The following NDUFAF2 variants were observed in gnomAD, a reference collection of about 807,000 sequenced individuals.
NDUFAF2 encodes NADH dehydrogenase [ubiquinone] 1 alpha subcomplex assembly factor 2.
A neutral mutation model predicts 22.8 loss-of-function variants in NDUFAF2; 13 were observed. The observed-to-expected ratio is 0.57, with a 90% CI of 0.37 to 0.91. The LOEUF (loss-of-function observed/expected upper bound fraction) is 0.91, where lower values mean the gene tolerates loss of function less well. Ranked by LOEUF, NDUFAF2 falls within the 40% of genes least tolerant of loss-of-function variation. The pLI is 0.01. For missense variants in NDUFAF2, 162 were observed against 195.2 expected, an observed-to-expected ratio of 0.83 and a Z score of 1.01; for synonymous variants, 53 against 64.2, an observed-to-expected ratio of 0.83 and a Z score of 0.84.
chr5:60,952,950 G>GA (rs147073370), intron 1 of NDUFAF2, among the ~76,000 whole-genome samples: 139 of 151,694 alleles, frequency 9.2e-4, no homozygotes, highest in African/African-American at 3.0e-3. Flanking sequence ...AAAAAGACCA[G>GA]AAAAAAAAGA....
At chr5:60,968,043 A>G (rs1750780378) in intron 1 of NDUFAF2, among the ~76,000 whole-genome samples, 1 of 151,558 alleles carries the variant, frequency 6.6e-6, no homozygotes, top group African/African-American at 2.4e-5. Context: ...TTCAGATTTT[A>G]TATTTCTTCA....
intron 3 of NDUFAF2, among the ~76,000 whole-genome samples, chr5:61,125,972 A>T (rs78168586): frequency 1.3e-5 from 2 of 152,036 alleles, no homozygotes; most frequent in African/African-American, 4.8e-5. Context: ...TAGAAATTCA[A>T]TTATACAGAA....
At chr5:60,994,014 G>T (rs977784982) in intron 1 of NDUFAF2, among the ~76,000 whole-genome samples, 1 of 152,222 alleles carries the variant, frequency 6.6e-6, no homozygotes, top group Non-Finnish European at 1.5e-5. Flanking sequence ...CATGCCAAGG[G>T]GCGCCTGCAG....
intron 3 of NDUFAF2, among the ~76,000 whole-genome samples, chr5:61,122,876 A>G (rs295580): frequency 0.044 from 6,618 of 152,132 alleles, 176 homozygotes; most frequent in South Asian, 0.08. Context: ...TACAGAATAT[A>G]TTTTGCTTTC....
At chr5:60,975,584 A>G (rs775190973) in intron 1 of NDUFAF2, among the ~76,000 whole-genome samples, 2 of 152,188 alleles carry the variant, frequency 1.3e-5, no homozygotes, top group Non-Finnish European at 2.9e-5. Context: ...ACTAGATGAG[A>G]TCTCCTACAG....
At chr5:61,086,368 T>C (rs1752505647) in intron 2 of NDUFAF2, among the ~76,000 whole-genome samples, 1 of 152,148 alleles carries the variant, frequency 6.6e-6, no homozygotes, top group Non-Finnish European at 1.5e-5. Context: ...CAAAACTTTT[T>C]TGGAGAAAGA....
In NDUFAF2 at chr5:61,136,039, A is replaced by C. The variant is rs1185098391; in HGVS notation, c.259-16665A>C. On this transcript the variant is annotated intron_variant, in intron 3 of 3. Coordinates refer to ENST00000296597, the MANE Select transcript of NDUFAF2 (RefSeq NM_174889.5). Reference sequence around the variant, plus strand: ...TATATATATATATATATATATATATATATCTAGGGTGGATTGCTTTTTTTC... The same window carrying C: ...TATATATATATATATATATATATATCTATCTAGGGTGGATTGCTTTTTTTC... Among the ~76,000 whole-genome samples the C allele has an allele frequency of 4.8e-4, 50 of 103,398 alleles. 5 individuals carry two copies. Among genetic ancestry groups the C allele is most frequent in the African/African-American group, 1.6e-3 (44 of 26,776 alleles). 67.8% of individuals were successfully genotyped at this position (103,398 alleles called of 152,430 possible).
chr5:60,972,324 C>T (rs1195486068), intron 1 of NDUFAF2, among the ~76,000 whole-genome samples: 1 of 151,506 alleles, frequency 6.6e-6, no homozygotes. Flanking sequence ...GTTGTAATCT[C>T]TAAATCCCCA....
intron 3 of NDUFAF2, among the ~76,000 whole-genome samples, chr5:61,141,321 A>C (rs944479556): frequency 6.6e-6 from 1 of 152,102 alleles, no homozygotes; most frequent in African/African-American, 2.4e-5. Flanking sequence ...ATATGATTGC[A>C]GAATTTATCA....
At chr5:61,003,372 T>G (rs907760453) in intron 1 of NDUFAF2, among the ~76,000 whole-genome samples, 2 of 152,124 alleles carry the variant, frequency 1.3e-5, no homozygotes, top group Non-Finnish European at 2.9e-5. Context: ...TGTTTCTTTT[T>G]TATTACTATC....
intron 1 of NDUFAF2, among the ~76,000 whole-genome samples, chr5:61,051,163 A>G (rs1752019509): frequency 6.6e-6 from 1 of 152,174 alleles, no homozygotes; most frequent in African/African-American, 2.4e-5. Flanking sequence ...TTAATTTTCT[A>G]GAATGATGCT....
chr5:61,102,715 G>A (rs1290498997), intron 3 of NDUFAF2, among the ~76,000 whole-genome samples: 1 of 151,978 alleles, frequency 6.6e-6, no homozygotes, highest in Admixed American at 6.6e-5. Flanking sequence ...CAAAAGACTA[G>A]GAGAAAATAA....
At chr5:60,985,035 T>A (rs988441603) in intron 1 of NDUFAF2, among the ~76,000 whole-genome samples, 1 of 151,840 alleles carries the variant, frequency 6.6e-6, no homozygotes, top group Non-Finnish European at 1.5e-5. Context: ...GGACTGTTTT[T>A]GGTTGGTAAG....
intron 1 of NDUFAF2, among the ~76,000 whole-genome samples, chr5:61,058,834 G>C (rs954093707): frequency 5.3e-5 from 8 of 151,980 alleles, no homozygotes; most frequent in African/African-American, 1.9e-4. Flanking sequence ...ATCAAAACCT[G>C]AAATGACTAC....
At chr5:61,048,122 A>G (rs1164943295) in intron 1 of NDUFAF2, among the ~76,000 whole-genome samples, 1 of 152,080 alleles carries the variant, frequency 6.6e-6, no homozygotes. Flanking sequence ...AACACCCAGC[A>G]TCTAATACTT....
Position 61,073,104 on chromosome 5 carries a change from TTAA to T in NDUFAF2, c.128-19_128-17del. 6.8e-7 allele frequency: 1 copy of T among 1,468,604 alleles called. No homozygotes were observed. Among genetic ancestry groups the T allele is most frequent in the Non-Finnish European group, 9.5e-7 (1 of 1,049,010 alleles). The allele number at this position is 1,468,604 out of a possible 1,614,324, so 91.0% of individuals were successfully genotyped here. The stretch of plus-strand genomic sequence containing the variant: ...TATCATAGGTTCATTTAAAAATGTA[TTAA>T]TGACTTTTGTCTTATAGGACAAACT... On this transcript the variant is annotated intron_variant, in intron 1 of 3. Transcript: ENST00000296597.
chr5:60,996,314 C>G (rs1273270591), intron 1 of NDUFAF2, among the ~76,000 whole-genome samples: 1 of 152,090 alleles, frequency 6.6e-6, no homozygotes, highest in Non-Finnish European at 1.5e-5. Flanking sequence ...CCTTCTGGAC[C>G]AGGGTGTATC....
At chr5:61,011,974 A>G (rs1561541610) in intron 1 of NDUFAF2, among the ~76,000 whole-genome samples, 2 of 152,164 alleles carry the variant, frequency 1.3e-5, no homozygotes, top group South Asian at 2.1e-4. Flanking sequence ...ACTGCTTTTG[A>G]TAAGATTACT....
intron 1 of NDUFAF2, among the ~76,000 whole-genome samples, chr5:60,948,574 G>A (rs1364064933): frequency 1.3e-5 from 2 of 150,600 alleles, no homozygotes; most frequent in South Asian, 4.2e-4. Context: ...TTGTTTTTTA[G>A]GTTCTTCACT....
Sources: gnomAD v4.1 joint callset for allele counts (sites outside exome capture counted in the v4.1 genomes callset) on GRCh38, gnomAD v4.1.1 for gene constraint, MANE v1.5 for transcripts, NCBI Gene and HGNC (gene_info 2026-07-23, HGNC 2026-07-21) for gene names.